PCMTD1: variants seen among roughly 807,000 people sequenced by gnomAD.
The protein encoded by PCMTD1 is protein-L-isoaspartate O-methyltransferase domain-containing protein 1.
In PCMTD1, 12 loss-of-function variants were observed where a neutral mutation model predicts 37.6. That is an observed-to-expected ratio of 0.32 (90% CI 0.20 to 0.52). PCMTD1 has a LOEUF of 0.52. PCMTD1 is among the 20% of genes least tolerant of loss of function. The pLI is 0.97. For missense variants in PCMTD1, 235 were observed against 421.3 expected, an observed-to-expected ratio of 0.56 and a Z score of 3.87; for synonymous variants, 117 against 135.8, an observed-to-expected ratio of 0.86 and a Z score of 0.96.
At chr8:51,882,997 C>T (rs569550930) in intron 1 of PCMTD1, among the ~76,000 whole-genome samples, 65 of 147,740 alleles carry the variant, frequency 4.4e-4, no homozygotes, top group African/African-American at 1.5e-3. Flanking sequence ...ATTAGCCAGG[C>T]GTGGTGGTGG....
rs1202383063 is a variant in PCMTD1, at chr8:51,833,493, TAAAGA to T, written c.582+20_582+24del. The T allele has an allele frequency of 5.7e-6, 9 of 1,579,428 alleles. No individual in the cohort carries two copies. The highest frequency in any genetic ancestry group is 4.8e-5 in the South Asian group (4 of 83,648). On this transcript the variant is annotated intron_variant, in intron 4 of 5. Transcript: ENST00000522514. ...CAAATTTGCTTGCTTCCTAGGCCAC[TAAAGA>T]AAAGGAGAGTGGAAGTTACCTGATC...
At chr8:51,823,091 T>C (rs892560113) in intron 5 of PCMTD1, among the ~76,000 whole-genome samples, 14 of 152,202 alleles carry the variant, frequency 9.2e-5, no homozygotes, top group African/African-American at 2.9e-4. Flanking sequence ...GGACCCAGCA[T>C]GGAAAAAGAT....
At chr8:51,897,952 T>C (rs946258849) in intron 1 of PCMTD1, among the ~76,000 whole-genome samples, 9 of 151,618 alleles carry the variant, frequency 5.9e-5, no homozygotes, top group African/African-American at 2.2e-4. Flanking sequence ...AAAAAAAAAA[T>C]CCTGAATAAC....
At chr8:51,839,725 G>T in intron 3 of PCMTD1, 1 of 578,446 alleles carries the variant, frequency 1.7e-6, no homozygotes, top group Non-Finnish European at 2.2e-6. Context: ...ACGTGCCACA[G>T]GATGCTGTTA....
At chr8:51,899,094 C>T, upstream of PCMTD1, 2 of 1,471,662 alleles carry the variant, frequency 1.4e-6, no homozygotes, top group Non-Finnish European at 1.8e-6. Flanking sequence ...GACTCCGGAG[C>T]CGCCGGGGTC....
intron 1 of PCMTD1, among the ~76,000 whole-genome samples, chr8:51,866,863 T>C (rs1039764261): frequency 4.0e-5 from 6 of 151,746 alleles, no homozygotes; most frequent in Non-Finnish European, 2.9e-5. Context: ...TAACATATAT[T>C]GAAAAAACAA....
rs116755851 is a variant in PCMTD1, at chr8:51,820,209, T to C, written c.*142A>G. The C allele has an allele frequency of 0.048, 29,714 of 622,952 alleles. 790 individuals are homozygous for C. Among genetic ancestry groups the C allele is most frequent in the African/African-American group, 0.1 (4,560 of 45,256 alleles). The allele number at this position is 622,952 out of a possible 1,614,324, so 38.6% of individuals were successfully genotyped here. A position where few individuals can be genotyped will look rare whatever the true frequency, so the allele number is the denominator to read the frequency against. On this transcript the variant is annotated 3_prime_UTR_variant, in exon 6 of 6. Coordinates refer to ENST00000522514, the MANE Select transcript of PCMTD1 (RefSeq NM_052937.4). Reference sequence around the variant, plus strand: ...TTTTATTCACTGAATACATCATTTGTGTTACTGACAGAAACAAGTGATTTT... The same window carrying C: ...TTTTATTCACTGAATACATCATTTGCGTTACTGACAGAAACAAGTGATTTT...
At chr8:51,887,514 G>A (rs2038880774) in intron 1 of PCMTD1, among the ~76,000 whole-genome samples, 1 of 151,972 alleles carries the variant, frequency 6.6e-6, no homozygotes, top group African/African-American at 2.4e-5. Context: ...TCTTAAGATA[G>A]TCTAAAATCC....
intron 1 of PCMTD1, among the ~76,000 whole-genome samples, chr8:51,875,350 TA>T (rs1365880950): frequency 3.9e-5 from 6 of 152,180 alleles, no homozygotes; most frequent in Non-Finnish European, 8.8e-5. Context: ...ACATATTATA[TA>T]ATTCAATTTA....
In PCMTD1 at chr8:51,860,879, G is replaced by A. The variant is rs758554672; in HGVS notation, c.273C>T (p.Thr91=). 3.1e-5 allele frequency: 50 copies of A among 1,613,230 alleles called. No homozygotes were observed. Among genetic ancestry groups the A allele is most frequent in the East Asian group, 8.9e-5 (4 of 44,840 alleles). ...GLSFLNLGSG[T]GYLSTMVGLI... is the part of the protein sequence containing the mutation. ...AGCCCACCATTGTACTTAAATATCC[G>A]GTTCCACTTCCCAGGTTAAGAAAAG... Residue 91 remains threonine, a synonymous_variant, in exon 2 of 6, where the codon ACC becomes ACT. Transcript: ENST00000522514.
intron 2 of PCMTD1, among the ~76,000 whole-genome samples, chr8:51,858,416 AT>A (rs1001993071): frequency 6.6e-6 from 1 of 152,224 alleles, no homozygotes; most frequent in African/African-American, 2.4e-5. Context: ...ACTTTTGTTA[AT>A]AAGGTGGCTG....
In PCMTD1 at chr8:51,831,456, A is replaced by T; in HGVS notation, c.694T>A (p.Ser232Thr). The change falls in exon 5 of 6, where the codon TCT becomes ACT. Residue 232 changes from serine to threonine, a missense_variant. Around this residue, in one of 3 missense-constraint regions of PCMTD1, gnomAD observed 183 missense variants for 349.3 expected, o/e 0.52. Coordinates refer to ENST00000522514, the MANE Select transcript of PCMTD1 (RefSeq NM_052937.4). ...AAGAGCTACTTACGGAGTCCCACAG[A>T]ATCTGGTTTGCCATTATCATTCTTA... The part of the protein sequence containing the change: ...PSKNDNGKPD[S>T]VGLPPCAVRN... 1 of 1,613,186 alleles carries T rather than the reference A, an allele frequency of 6.2e-7. No individual in the cohort carries two copies. Among genetic ancestry groups the T allele is most frequent in the Non-Finnish European group, 8.5e-7 (1 of 1,179,692 alleles).
chr8:51,846,443 C>A (rs2038221336), intron 2 of PCMTD1, among the ~76,000 whole-genome samples: 1 of 152,186 alleles, frequency 6.6e-6, no homozygotes, highest in Non-Finnish European at 1.5e-5. Context: ...TTTTCCCTCA[C>A]CCTGAAAATA....
intron 3 of PCMTD1, among the ~76,000 whole-genome samples, chr8:51,834,406 G>C (rs1290891602): frequency 6.6e-6 from 1 of 152,082 alleles, no homozygotes; most frequent in African/African-American, 2.4e-5. Flanking sequence ...ATGGTACACG[G>C]AGTTATGCTT....
chr8:51,853,205 G>T (rs1421032124), intron 2 of PCMTD1, among the ~76,000 whole-genome samples: 1 of 152,158 alleles, frequency 6.6e-6, no homozygotes, highest in Non-Finnish European at 1.5e-5. Flanking sequence ...TTTGGCAAGG[G>T]TGTAGGAGGG....
chr8:51,886,355 T>C (rs1425788835), intron 1 of PCMTD1, among the ~76,000 whole-genome samples: 1 of 152,208 alleles, frequency 6.6e-6, no homozygotes, highest in Non-Finnish European at 1.5e-5. Context: ...TCAGACCAGC[T>C]ACTCTTTAAT....
Position 51,845,650 on chromosome 8 carries a change from T to C in PCMTD1, c.410+11A>G, listed in dbSNP as rs765043431. 1.3e-6 allele frequency: 2 copies of C among 1,589,598 alleles called. No homozygotes were observed. The highest frequency in any genetic ancestry group is 1.7e-6 in the Non-Finnish European group (2 of 1,159,170). ...TGATTTTAAACCAAAACTATAGATATGAATACTTACTTATCAAAGCTATCA... is the reference window on the plus strand; with the variant it reads ...TGATTTTAAACCAAAACTATAGATACGAATACTTACTTATCAAAGCTATCA... On this transcript the variant is annotated intron_variant, in intron 3 of 5. Coordinates refer to ENST00000522514, the MANE Select transcript of PCMTD1 (RefSeq NM_052937.4).
intron 2 of PCMTD1, among the ~76,000 whole-genome samples, chr8:51,854,107 C>T (rs2038347905): frequency 6.6e-6 from 1 of 152,168 alleles, no homozygotes; most frequent in Admixed American, 6.5e-5. Context: ...AGAGAACCAC[C>T]TAAGCCACTT....
chr8:51,884,698 G>A (rs547405221), intron 1 of PCMTD1, among the ~76,000 whole-genome samples: 70 of 152,330 alleles, frequency 4.6e-4, no homozygotes, highest in African/African-American at 1.6e-3. Context: ...CAGGACAATA[G>A]ACAGCTTTCC....
Sources: gnomAD v4.1 joint callset for allele counts (sites outside exome capture counted in the v4.1 genomes callset) on GRCh38, gnomAD v4.1.1 for gene constraint, gnomAD v4.1.1 regional missense constraint, MANE v1.5 for transcripts, NCBI Gene and HGNC (gene_info 2026-07-23, HGNC 2026-07-21) for gene names.